Variants in VIPR2 observed in about 807,000 individuals in gnomAD.
The protein encoded by VIPR2 is vasoactive intestinal polypeptide receptor 2.
In VIPR2, 48 loss-of-function variants were observed where a neutral mutation model predicts 58.0. The observed-to-expected ratio is 0.83, with a 90% CI of 0.66 to 1.05. The LOEUF (loss-of-function observed/expected upper bound fraction) is 1.05. Among genes scored for constraint, VIPR2 ranks in the 50% least tolerant of loss-of-function variants. The pLI, the probability that VIPR2 is intolerant of heterozygous loss-of-function variation, is 0.00. For missense variants in VIPR2, 534 were observed against 558.0 expected (o/e 0.96, Z 0.43); for synonymous variants, 243 against 235.2 (o/e 1.03, Z -0.30).
intron 2 of VIPR2, among the ~76,000 whole-genome samples, chr7:159,111,282 G>A (rs550284318): frequency 9.9e-4 from 151 of 152,342 alleles, no homozygotes; most frequent in Non-Finnish European, 1.7e-3. Context: ...CATGTGATCA[G>A]CAAAGTTCTG....
At position 159,096,771 on chromosome 7, in the gene VIPR2, C is replaced by T; in HGVS notation, c.357+6986G>A. 7.1e-7 allele frequency: 1 copy of T among 1,406,200 alleles called. No individual in the cohort carries two copies. The highest frequency in any genetic ancestry group is 1.7e-5 in the South Asian group (1 of 59,100). 87.1% of individuals were successfully genotyped at this position (1,406,200 alleles called of 1,614,324 possible). ...TTCTGCCTGTGGCCAGATTTCTGCC[C>T]CTGCCTGAGGTCAGTCTCGTGGCCC... On this transcript the variant is annotated intron_variant, in intron 4 of 12. Transcript: ENST00000262178. This position sits in a 1 kb window ranked among gnomAD's most constrained non-coding sequence, Gnocchi z 5.5.
intron 4 of VIPR2, among the ~76,000 whole-genome samples, chr7:159,062,569 G>A (rs376060250): frequency 6.6e-6 from 1 of 151,982 alleles, no homozygotes; most frequent in Non-Finnish European, 1.5e-5. Context: ...TATTCCTCCC[G>A]GTGGGTTTGT....
At chr7:159,034,540 T>C in intron 9 of VIPR2, 41 bp downstream of exon 9, 2 of 1,582,574 alleles carry the variant, frequency 1.3e-6, no homozygotes, top group Non-Finnish European at 1.7e-6. Context: ...CCCAAGTGTG[T>C]GATTCCACAG....
intron 5 of VIPR2, among the ~76,000 whole-genome samples, chr7:159,046,971 A>G (rs1056169314): frequency 6.6e-6 from 1 of 152,232 alleles, no homozygotes; most frequent in Non-Finnish European, 1.5e-5. Context: ...GCGGTGGCTC[A>G]TGCCTGTAAT....
Position 159,096,702 on chromosome 7 carries a change from T to G in VIPR2, c.357+7055A>C. The stretch of plus-strand genomic sequence containing the variant: ...AGGTTAAAACTAAACAGCAGAAAAG[T>G]GCTCATAATCCTGTCTGGTTGTGCC... On this transcript the variant is annotated intron_variant, in intron 4 of 12. Coordinates refer to ENST00000262178, the MANE Select transcript of VIPR2 (RefSeq NM_003382.5). This position sits in a 1 kb window ranked among gnomAD's most constrained non-coding sequence, Gnocchi z 5.5. 7.7e-7 allele frequency: 1 copy of G among 1,299,160 alleles called. No homozygotes were observed. The highest frequency in any genetic ancestry group is 1.5e-5 in the African/African-American group (1 of 67,544). 80.5% of individuals were successfully genotyped at this position (1,299,160 alleles called of 1,614,324 possible). A position where few individuals can be genotyped will look rare whatever the true frequency, so the allele number is the denominator to read the frequency against.
At chr7:159,112,262 T>G (rs1281548547) in intron 2 of VIPR2, among the ~76,000 whole-genome samples, 2 of 152,108 alleles carry the variant, frequency 1.3e-5, no homozygotes, top group Non-Finnish European at 2.9e-5. Flanking sequence ...GGACCGCACG[T>G]GAGGGAGCAG....
chr7:159,116,984 T>C, intron 2 of VIPR2: 1 of 265,520 alleles, frequency 3.8e-6, no homozygotes, highest in South Asian at 7.9e-5. Flanking sequence ...AAACATCAAT[T>C]AAATTTCAAG....
chr7:159,141,201 A>G (rs1440496261), intron 2 of VIPR2, among the ~76,000 whole-genome samples: 1 of 152,258 alleles, frequency 6.6e-6, no homozygotes, highest in African/African-American at 2.4e-5. Context: ...GGGCCGCATC[A>G]GCATTTCCCA....
intron 4 of VIPR2, among the ~76,000 whole-genome samples, chr7:159,084,035 A>T (rs1035097431): frequency 2.0e-5 from 3 of 152,220 alleles, no homozygotes; most frequent in Non-Finnish European, 2.9e-5. Flanking sequence ...CATCACACAC[A>T]TCTCCGTCTG....
intron 4 of VIPR2, among the ~76,000 whole-genome samples, chr7:159,068,222 G>C (rs1856195530): frequency 6.6e-6 from 1 of 152,210 alleles, no homozygotes; most frequent in Admixed American, 6.5e-5. Context: ...TCACTTCCGT[G>C]AGGGGAGAGT....
rs933317067 is a variant in VIPR2, at chr7:159,097,280, G to A, written c.357+6477C>T. 13 of 1,360,016 alleles carry A rather than the reference G, an allele frequency of 9.6e-6. No individual in the cohort carries two copies. The highest frequency in any genetic ancestry group is 2.7e-4 in the Middle Eastern group (1 of 3,682). The allele number at this position is 1,360,016 out of a possible 1,614,324, so 84.2% of individuals were successfully genotyped here. A position where few individuals can be genotyped will look rare whatever the true frequency, so the allele number is the denominator to read the frequency against. On this transcript the variant is annotated intron_variant, in intron 4 of 12. Coordinates refer to ENST00000262178, the MANE Select transcript of VIPR2 (RefSeq NM_003382.5). The surrounding 1 kb of genome is among the most constrained non-coding windows in gnomAD (Gnocchi z 5.3). ...AGAGGCTTATTTTTAGGGATGTGGC[G>A]TAACACGGAAGAAATGTGTGCACTT... is the stretch of plus-strand genomic sequence containing the variant.
intron 2 of VIPR2, among the ~76,000 whole-genome samples, chr7:159,114,215 G>A (rs745597455): frequency 2.6e-5 from 4 of 152,104 alleles, no homozygotes; most frequent in South Asian, 2.1e-4. Flanking sequence ...GAGAGGCAGC[G>A]AATTTGGGAG....
At chr7:159,085,716 G>GTT (rs113222672) in intron 4 of VIPR2, among the ~76,000 whole-genome samples, 1 of 149,146 alleles carries the variant, frequency 6.7e-6, no homozygotes. Context: ...TTTTGTTTCA[G>GTT]TTTTTTTTTT....
At position 159,088,402 on chromosome 7, in the gene VIPR2, C is replaced by T. The variant is rs1015352966; in HGVS notation, c.357+15355G>A. Among the ~76,000 whole-genome samples the T allele has an allele frequency of 2.0e-5, 3 of 152,030 alleles. No individual in the cohort carries two copies. In the South Asian group the frequency reaches 6.2e-4, roughly 32 times the overall value. On this transcript the variant is annotated intron_variant, in intron 4 of 12. Transcript: ENST00000262178. ...TGTACACCACACACAAGCTGCAGCA[C>T]AGCTGTTCATCCGCACACATGCTGC...
chr7:159,031,770 A>C lies in VIPR2; in HGVS notation c.1143+58T>G. 1 of 1,612,852 alleles carries C rather than the reference A, an allele frequency of 6.2e-7. No individual in the cohort carries two copies. The highest frequency in any genetic ancestry group is 1.3e-5 in the African/African-American group (1 of 75,036). ...TGGGGGCTGCGGCACCAGGCTGGGC[A>C]GCATCTCAGGAAGCAAGTGAGTACC... On this transcript the variant is annotated intron_variant, in intron 12 of 12. Transcript: ENST00000262178. This position sits in a 1 kb window ranked among gnomAD's most constrained non-coding sequence, Gnocchi z 4.0.
In VIPR2 at chr7:159,063,178, G is replaced by A. The variant is rs561310118; in HGVS notation, c.358-4600C>T. ...GGTGGTCCATGGGACCAGGTGCCGC[G>A]GAGCAGGGGGCGGCACTTGTAAGGG... On this transcript the variant is annotated intron_variant, in intron 4 of 12. Transcript: ENST00000262178. Among the ~76,000 whole-genome samples the A allele has an allele frequency of 2.9e-3, 439 of 151,778 alleles. 4 individuals are homozygous for A. The highest frequency in any genetic ancestry group is 0.01 in the African/African-American group (422 of 41,102).
chr7:159,031,626 G>C lies in VIPR2; in HGVS notation c.1143+202C>G, dbSNP rs2129492709. 1 of 985,430 alleles carries C rather than the reference G, an allele frequency of 1.0e-6. No individual in the cohort carries two copies. Among genetic ancestry groups the C allele is most frequent in the South Asian group, 4.7e-5 (1 of 21,280 alleles). 61.0% of individuals were successfully genotyped at this position (985,430 alleles called of 1,614,324 possible). A position where few individuals can be genotyped will look rare whatever the true frequency, so the allele number is the denominator to read the frequency against. Reference sequence around the variant, plus strand: ...ACTTAGGGTGGACGGAAGGACGGCGGGGTTTGGAAGCTGGGCCCAGAAGAG... The same window carrying C: ...ACTTAGGGTGGACGGAAGGACGGCGCGGTTTGGAAGCTGGGCCCAGAAGAG... On this transcript the variant is annotated intron_variant, in intron 12 of 12. Transcript: ENST00000262178. This position sits in a 1 kb window ranked among gnomAD's most constrained non-coding sequence, Gnocchi z 4.0.
At chr7:159,040,857 C>T (rs1854283537) in intron 6 of VIPR2, among the ~76,000 whole-genome samples, 1 of 152,238 alleles carries the variant, frequency 6.6e-6, no homozygotes, top group South Asian at 2.1e-4. Flanking sequence ...TGGCCTCAGG[C>T]ATCTCCCCTC....
In VIPR2 at chr7:159,097,203, T is replaced by C; in HGVS notation, c.357+6554A>G. ...GGATGGGAGCCCTGGGGAGTGAAGT[T>C]TGCCATCAGTGGGAACGAGTCACTG... On this transcript the variant is annotated intron_variant, in intron 4 of 12. Coordinates refer to ENST00000262178, the MANE Select transcript of VIPR2 (RefSeq NM_003382.5). The surrounding 1 kb of genome is among the most constrained non-coding windows in gnomAD (Gnocchi z 5.3). The C allele has an allele frequency of 1.4e-6, 2 of 1,428,322 alleles. No homozygotes were observed. Among genetic ancestry groups the C allele is most frequent in the Non-Finnish European group, 1.8e-6 (2 of 1,087,702 alleles). 88.5% of individuals were successfully genotyped at this position (1,428,322 alleles called of 1,614,324 possible).
Sources: allele counts gnomAD v4.1 joint callset (sites outside exome capture counted in the v4.1 genomes callset), GRCh38; gene constraint gnomAD v4.1.1; non-coding constraint Gnocchi (gnomAD v3.1); transcripts MANE v1.5; gene names NCBI Gene and HGNC (gene_info 2026-07-23, HGNC 2026-07-21).